The following ANKRD11 variants were observed in gnomAD, a reference collection of about 807,000 sequenced individuals.
The protein encoded by ANKRD11 is ankyrin repeat domain 11.
ANKRD11 carries 17 observed loss-of-function variants against 195.7 expected under a neutral mutation model. That is an observed-to-expected ratio of 0.09 (90% confidence interval 0.06 to 0.13). ANKRD11 has a LOEUF of 0.13. ANKRD11 is among the 10% of genes least tolerant of loss of function. The pLI, the probability that ANKRD11 is intolerant of heterozygous loss-of-function variation, is 1.00. For synonymous variants in ANKRD11, 1,953 were observed against 1,528.1 expected (o/e 1.28, Z -6.49); for missense variants, 3,735 against 3,566.1 (o/e 1.05, Z -1.21).
intron 6 of ANKRD11, chr16:89,289,055 G>A (rs1044770551): frequency 9.4e-6 from 3 of 319,898 alleles, no homozygotes; most frequent in East Asian, 8.3e-5. Context: ...TGTCGGAAAC[G>A]GAAACCAAGG....
intron 2 of ANKRD11, among the ~76,000 whole-genome samples, chr16:89,334,164 A>C (rs1373414789): frequency 6.9e-6 from 1 of 144,830 alleles, no homozygotes; most frequent in Non-Finnish European, 1.5e-5. Context: ...AAAAAAAAAA[A>C]AAAAAAAAAC....
chr16:89,329,932 G>A (rs543632994), intron 2 of ANKRD11, among the ~76,000 whole-genome samples: 4 of 152,038 alleles, frequency 2.6e-5, no homozygotes, highest in Admixed American at 6.5e-5. Context: ...AGAGGCTGCC[G>A]TGAGCAGAGA....
rs865869072 is a variant in ANKRD11 at position 89,441,779 on chromosome 16, A to C, written c.-144-23411T>G. Among the ~76,000 whole-genome samples, 854 of 107,730 alleles carry C rather than the reference A, an allele frequency of 7.9e-3. 39 individuals carry two copies. Among genetic ancestry groups the C allele is most frequent in the Admixed American group, 0.05 (560 of 11,140 alleles). 70.7% of individuals were successfully genotyped at this position (107,730 alleles called of 152,430 possible). On this transcript the variant is annotated intron_variant, in intron 1 of 12. Coordinates refer to ENST00000301030, the MANE Select transcript of ANKRD11 (RefSeq NM_013275.6). ...GAGACTCCGCCTACAAAAAAAAAAA[A>C]AAAAAAAAAAAAAACGCAAACCTGA...
At chr16:89,296,837 A>G (rs568073833) in intron 4 of ANKRD11, among the ~76,000 whole-genome samples, 197 of 152,062 alleles carry the variant, frequency 1.3e-3, no homozygotes, top group African/African-American at 4.6e-3. Flanking sequence ...TTCCAGCAGC[A>G]TAAAACAGCA....
chr16:89,269,699 G>A (rs942668010), intron 12 of ANKRD11, among the ~76,000 whole-genome samples: 2 of 152,020 alleles, frequency 1.3e-5, no homozygotes, highest in African/African-American at 4.8e-5. Flanking sequence ...TGTCTCCCGG[G>A]TTCAAATGAT....
At chr16:89,402,697 G>A (rs968476142) in intron 2 of ANKRD11, among the ~76,000 whole-genome samples, 3 of 147,198 alleles carry the variant, frequency 2.0e-5, no homozygotes, top group Non-Finnish European at 3.0e-5. Context: ...AGGTGAGGTG[G>A]CTCTGCGAGG....
intron 9 of ANKRD11, chr16:89,278,521 G>C (rs2033855424): frequency 2.2e-6 from 1 of 456,434 alleles, no homozygotes; most frequent in Non-Finnish European, 4.4e-6. Flanking sequence ...TGGGGAACTG[G>C]GCTGACAGGG....
intron 4 of ANKRD11, among the ~76,000 whole-genome samples, chr16:89,304,609 C>A (rs180693246): frequency 1.3e-5 from 2 of 151,560 alleles, no homozygotes; most frequent in African/African-American, 4.8e-5. Context: ...GGCACACACA[C>A]GGGCATACAT....
At position 89,282,332 on chromosome 16, in the gene ANKRD11, C is replaced by A. The variant is rs200776626; in HGVS notation, c.4210G>T (p.Val1404Phe). The A allele has an allele frequency of 6.2e-6, 10 of 1,614,172 alleles. No individual in the cohort carries two copies. Among genetic ancestry groups the A allele is most frequent in the East Asian group, 2.2e-5 (1 of 44,878 alleles). ...KDFLEADAYGVSYNMKADIED... is the reference protein window; with the variant it reads ...KDFLEADAYGFSYNMKADIED... ...ATGTCAGCTTTCATGTTGTAAGAAACTCCGTAAGCATCCGCCTCCAGGAAG... is the reference window on the plus strand; with the variant it reads ...ATGTCAGCTTTCATGTTGTAAGAAAATCCGTAAGCATCCGCCTCCAGGAAG... The change falls in exon 9 of 13, where the codon GTT becomes TTT. Residue 1404 changes from valine (V) to phenylalanine (F), a missense_variant. By Grantham distance (50) the Val-to-Phe change is conservative. Coordinates refer to ENST00000301030, the MANE Select transcript of ANKRD11 (RefSeq NM_013275.6).
chr16:89,484,553 C>T (rs1336124575), intron 1 of ANKRD11, among the ~76,000 whole-genome samples: 2 of 152,094 alleles, frequency 1.3e-5, no homozygotes, highest in African/African-American at 2.4e-5. Context: ...CCATTAGCAT[C>T]CTAAGTCTGA....
chr16:89,454,553 G>C (rs2056340115), intron 1 of ANKRD11, among the ~76,000 whole-genome samples: 1 of 152,152 alleles, frequency 6.6e-6, no homozygotes, highest in African/African-American at 2.4e-5. Flanking sequence ...CACTATGAAA[G>C]CGGCTCTAGG....
At chr16:89,311,949 G>C (rs2036628736) in intron 3 of ANKRD11, among the ~76,000 whole-genome samples, 1 of 152,178 alleles carries the variant, frequency 6.6e-6, no homozygotes, top group Non-Finnish European at 1.5e-5. Flanking sequence ...CCAGGCTGGA[G>C]TGCGGTGATG....
chr16:89,323,545 A>G (rs1214100183), intron 2 of ANKRD11, among the ~76,000 whole-genome samples: 1 of 87,496 alleles, frequency 1.1e-5, no homozygotes, highest in African/African-American at 5.3e-5. Flanking sequence ...GGCTGAGCCG[A>G]GGGCAGGGGG....
chr16:89,356,327 G>C (rs906107177), intron 2 of ANKRD11, among the ~76,000 whole-genome samples: 5 of 150,840 alleles, frequency 3.3e-5, no homozygotes, highest in Non-Finnish European at 5.9e-5. Flanking sequence ...GTTCTCGGTG[G>C]CAAGCCATCC....
chr16:89,433,283 GAT>G (rs2043076409), intron 1 of ANKRD11, among the ~76,000 whole-genome samples: 1 of 152,204 alleles, frequency 6.6e-6, no homozygotes, highest in Admixed American at 6.5e-5. Flanking sequence ...CTAACATATG[GAT>G]CCCTCCAGGC....
chr16:89,477,962 T>C (rs1597535604), intron 1 of ANKRD11, among the ~76,000 whole-genome samples: 1 of 152,180 alleles, frequency 6.6e-6, no homozygotes, highest in East Asian at 2.0e-4. Flanking sequence ...ATCTCAAAAA[T>C]AATAACAAAA....
intron 2 of ANKRD11, among the ~76,000 whole-genome samples, chr16:89,337,671 A>C (rs2038443392): frequency 6.6e-6 from 1 of 151,760 alleles, no homozygotes; most frequent in African/African-American, 2.4e-5. Flanking sequence ...CAATCTCCTG[A>C]CCTCGGGATC....
intron 2 of ANKRD11, among the ~76,000 whole-genome samples, chr16:89,413,224 A>G (rs2042166123): frequency 6.6e-6 from 1 of 152,262 alleles, no homozygotes; most frequent in African/African-American, 2.4e-5. Context: ...AACTGATTCT[A>G]CTAAACAATG....
Position 89,282,209 on chromosome 16 carries a change from G to A in ANKRD11, c.4333C>T (p.Leu1445=), listed in dbSNP as rs780855998. The A allele has an allele frequency of 8.6e-5, 139 of 1,613,592 alleles. No individual in the cohort carries two copies. The highest frequency in any genetic ancestry group is 1.1e-4 in the Non-Finnish European group (127 of 1,179,952). Residue 1445 remains leucine (L), a synonymous_variant, in exon 9 of 13, where the codon CTA becomes TTA. Coordinates refer to ENST00000301030, the MANE Select transcript of ANKRD11 (RefSeq NM_013275.6). ...ATGGCACTAGATCCATAAGGCTTTA[G>A]TTCCTTTTCTATTTTCTTGGAAGGT... ...REPSKKIEKE[L]KPYGSSAINI...
Sources: allele counts gnomAD v4.1 joint callset (sites outside exome capture counted in the v4.1 genomes callset), GRCh38; gene constraint gnomAD v4.1.1; transcripts MANE v1.5; gene names NCBI Gene and HGNC (gene_info 2026-07-23, HGNC 2026-07-21).